The following NRXN3 variants were observed in gnomAD, a reference collection of about 807,000 sequenced individuals.
NRXN3 encodes the protein neurexin 3, also known as neurexin III.
In NRXN3, 32 loss-of-function variants were observed where a neutral mutation model predicts 137.6. The observed-to-expected ratio is 0.23, with a 90% CI of 0.18 to 0.31. The LOEUF (loss-of-function observed/expected upper bound fraction) is 0.31. Ranked by LOEUF, NRXN3 falls within the 10% of genes least tolerant of loss-of-function variation. The probability of loss-of-function intolerance (pLI) is 1.00; values close to 1 mark genes in which losing one functional copy is unlikely to be tolerated. For missense variants in NRXN3, 1,574 were observed against 2,062.5 expected, an observed-to-expected ratio of 0.76 and a Z score of 4.59; for synonymous variants, 798 against 784.5, an observed-to-expected ratio of 1.02 and a Z score of -0.29.
At chr14:78,196,649 G>C (rs1243641322) in intron 1 of NRXN3, among the ~76,000 whole-genome samples, 1 of 152,186 alleles carries the variant, frequency 6.6e-6, no homozygotes, top group Non-Finnish European at 1.5e-5. Context: ...AGGTGCAGGA[G>C]ATACAGTGGT....
chr14:78,551,107 A>G (rs1273350856), intron 4 of NRXN3, among the ~76,000 whole-genome samples: 2 of 152,220 alleles, frequency 1.3e-5, no homozygotes, highest in Non-Finnish European at 2.9e-5. Flanking sequence ...GAGAACACAA[A>G]TAGAAGAGCA....
chr14:79,692,488 A>G (rs994562881), intron 18 of NRXN3, among the ~76,000 whole-genome samples: 13 of 152,142 alleles, frequency 8.5e-5, no homozygotes, highest in African/African-American at 3.1e-4. Flanking sequence ...GCCTGCTATC[A>G]GCATGACAAA....
intron 4 of NRXN3, among the ~76,000 whole-genome samples, chr14:78,515,686 G>A (rs1376003337): frequency 2.0e-4 from 30 of 152,078 alleles, no homozygotes; most frequent in Admixed American, 2.0e-3. Flanking sequence ...GCAGATAGGG[G>A]ATGTGCCACT....
intron 15 of NRXN3, among the ~76,000 whole-genome samples, chr14:79,118,214 A>AT (rs2054801153): frequency 6.6e-6 from 1 of 152,034 alleles, no homozygotes; most frequent in East Asian, 1.9e-4. Context: ...CTTATCTATG[A>AT]TTGTGGTGTC....
At chr14:78,730,902 T>C (rs1038182526) in intron 8 of NRXN3, among the ~76,000 whole-genome samples, 2 of 152,180 alleles carry the variant, frequency 1.3e-5, no homozygotes, top group Non-Finnish European at 2.9e-5. Flanking sequence ...CAGGCGGAGA[T>C]TGATGGTGGT....
At chr14:79,060,677 G>A (rs775546512) in intron 15 of NRXN3, among the ~76,000 whole-genome samples, 10 of 152,222 alleles carry the variant, frequency 6.6e-5, no homozygotes, top group African/African-American at 9.6e-5. Context: ...TTTTGTGAGG[G>A]TAAGTTATTT....
intron 16 of NRXN3, among the ~76,000 whole-genome samples, chr14:79,495,500 T>C (rs1310150593): frequency 6.6e-6 from 1 of 152,026 alleles, no homozygotes; most frequent in Non-Finnish European, 1.5e-5. Flanking sequence ...TAAAGGGCCC[T>C]CAAAAGACCC....
chr14:78,634,989 C>G (rs1301037263), intron 4 of NRXN3, among the ~76,000 whole-genome samples: 1 of 152,128 alleles, frequency 6.6e-6, no homozygotes, highest in Admixed American at 6.5e-5. Context: ...ATCACCCAAG[C>G]AAAACTTGGT....
rs17109230 is a variant in NRXN3 at position 79,452,621 on chromosome 14, T to A, written c.3263-14600T>A. Among the ~76,000 whole-genome samples the A allele has an allele frequency of 2.6e-4, 39 of 152,244 alleles. 2 individuals carry two copies. In the East Asian group the frequency reaches 7.4e-3, roughly 29 times the overall value. On this transcript the variant is annotated intron_variant, in intron 15 of 20. Transcript: ENST00000335750. Reference sequence around the variant, plus strand: ...GATTATGCAGTCACCTCTCACAAGGTCCAGGGTGAAGAACAAGTAAGAAAC... The same window carrying A: ...GATTATGCAGTCACCTCTCACAAGGACCAGGGTGAAGAACAAGTAAGAAAC...
intron 2 of NRXN3, among the ~76,000 whole-genome samples, chr14:78,245,665 T>G (rs1046823670): frequency 1.3e-5 from 2 of 152,180 alleles, no homozygotes; most frequent in Non-Finnish European, 2.9e-5. Flanking sequence ...ATTTCCCAGG[T>G]GGTACCTGCT....
intron 20 of NRXN3, among the ~76,000 whole-genome samples, chr14:79,825,345 G>A (rs897179907): frequency 2.6e-5 from 4 of 151,592 alleles, no homozygotes; most frequent in African/African-American, 9.7e-5. Context: ...CATTCATGCT[G>A]ACTTCTTCCT....
chr14:79,141,371 T>G (rs1009771481), intron 15 of NRXN3, among the ~76,000 whole-genome samples: 5 of 152,320 alleles, frequency 3.3e-5, no homozygotes, highest in Non-Finnish European at 5.9e-5. Flanking sequence ...ACTAATAAAT[T>G]AGATTATTCA....
chr14:79,373,473 G>T (rs537388643), intron 15 of NRXN3, among the ~76,000 whole-genome samples: 54 of 152,260 alleles, frequency 3.5e-4, no homozygotes, highest in African/African-American at 1.1e-3. Context: ...GGCAATAAAA[G>T]ATTCCGGAAA....
At chr14:78,955,774 G>A (rs956993411) in intron 10 of NRXN3, among the ~76,000 whole-genome samples, 1 of 152,126 alleles carries the variant, frequency 6.6e-6, no homozygotes, top group African/African-American at 2.4e-5. Flanking sequence ...ATAACCAGCA[G>A]AAAATAGGAA....
chr14:78,358,623 T>C (rs1363608911), intron 4 of NRXN3, among the ~76,000 whole-genome samples: 2 of 152,172 alleles, frequency 1.3e-5, no homozygotes, highest in Admixed American at 6.5e-5. Context: ...GTGGCTGCAT[T>C]TGTGGCTAAG....
chr14:78,997,547 A>G (rs780363279), intron 15 of NRXN3, among the ~76,000 whole-genome samples: 1 of 152,266 alleles, frequency 6.6e-6, no homozygotes, highest in Non-Finnish European at 1.5e-5. Context: ...AGGCACAAGA[A>G]AGATCTAAAT....
At chr14:79,427,610 T>A (rs554884700) in intron 15 of NRXN3, among the ~76,000 whole-genome samples, 2 of 152,228 alleles carry the variant, frequency 1.3e-5, no homozygotes, top group South Asian at 4.1e-4. Flanking sequence ...GTCGGGTCAC[T>A]CACTTGAGAC....
chr14:78,508,280 T>G (rs1462759066), intron 4 of NRXN3, among the ~76,000 whole-genome samples: 4 of 152,222 alleles, frequency 2.6e-5, no homozygotes, highest in African/African-American at 9.6e-5. Flanking sequence ...ATGTATCGCA[T>G]ACAAGTTAGA....
At chr14:78,859,768 T>C (rs2099067572) in intron 10 of NRXN3, among the ~76,000 whole-genome samples, 1 of 152,174 alleles carries the variant, frequency 6.6e-6, no homozygotes, top group Admixed American at 6.6e-5. Context: ...TTGGACTTTC[T>C]TGAAAATTCA....
Sources: allele counts gnomAD v4.1 joint callset (sites outside exome capture counted in the v4.1 genomes callset), GRCh38; gene constraint gnomAD v4.1.1; transcripts MANE v1.5; gene names NCBI Gene and HGNC (gene_info 2026-07-23, HGNC 2026-07-21).